Variants in FBXL2 observed in about 807,000 individuals in gnomAD.
FBXL2 encodes F-box and leucine rich repeat protein 2, also known as F-box/LRR-repeat protein 2.
FBXL2 carries 38 observed loss-of-function variants against 69.2 expected under a neutral mutation model. The observed-to-expected ratio is 0.55, with a 90% CI of 0.42 to 0.72. The LOEUF (loss-of-function observed/expected upper bound fraction) is 0.72. Among genes scored for constraint, FBXL2 ranks in the 30% least tolerant of loss-of-function variants. The pLI is 0.00. For missense variants in FBXL2, 354 were observed against 520.3 expected (o/e 0.68, Z 3.11); for synonymous variants, 192 against 201.3 (o/e 0.95, Z 0.39).
At chr3:33,328,971 A>G (rs749742105) in intron 2 of FBXL2, among the ~76,000 whole-genome samples, 2 of 152,182 alleles carry the variant, frequency 1.3e-5, no homozygotes, top group Non-Finnish European at 2.9e-5. Context: ...AATGTTTGCA[A>G]ACTATCCATC....
At chr3:33,399,521 C>A (rs1346898415) in intron 12 of FBXL2, among the ~76,000 whole-genome samples, 1 of 152,102 alleles carries the variant, frequency 6.6e-6, no homozygotes, top group Non-Finnish European at 1.5e-5. Context: ...ACTTAGGTGG[C>A]CGTTATGCTA....
At chr3:33,377,694 C>T (rs928787810) in intron 11 of FBXL2, among the ~76,000 whole-genome samples, 17 of 152,180 alleles carry the variant, frequency 1.1e-4, no homozygotes, top group African/African-American at 3.9e-4. Flanking sequence ...TCTGGACCTG[C>T]TGCCAGGAAC....
intron 1 of FBXL2, among the ~76,000 whole-genome samples, chr3:33,286,503 G>T (rs1277708093): frequency 6.6e-6 from 1 of 152,220 alleles, no homozygotes; most frequent in Non-Finnish European, 1.5e-5. Flanking sequence ...ACTTGAGGAG[G>T]CAGTCTGTCT....
chr3:33,393,129 C>T, intron 12 of FBXL2: 1 of 657,502 alleles, frequency 1.5e-6, no homozygotes, highest in South Asian at 2.9e-5. Context: ...GCTTGTATTC[C>T]ATATTATCAC....
chr3:33,364,127 A>C (rs2041806674), intron 4 of FBXL2, among the ~76,000 whole-genome samples: 1 of 152,226 alleles, frequency 6.6e-6, no homozygotes, highest in South Asian at 2.1e-4. Flanking sequence ...AAATGTGTTT[A>C]AGCAGAGGAC....
the FBXL2 span, among the ~76,000 whole-genome samples, chr3:33,417,566 A>G: frequency 7.2e-5 from 11 of 152,284 alleles, no homozygotes; most frequent in Admixed American, 6.5e-4. Flanking sequence ...CAGCTGATGG[A>G]TATTTGGGTT....
rs139585546 is a variant in FBXL2, at chr3:33,297,545, A to G, written c.4-119A>G. 1.5e-4 allele frequency: 93 copies of G among 622,478 alleles called. No individual in the cohort carries two copies. In the African/African-American group the frequency reaches 1.6e-3, roughly 11 times the overall value. The allele number at this position is 622,478 out of a possible 1,614,324, so 38.6% of individuals were successfully genotyped here. On this transcript the variant is annotated intron_variant, in intron 1 of 14. Coordinates refer to ENST00000484457, the MANE Select transcript of FBXL2 (RefSeq NM_012157.5). Reference sequence around the variant, plus strand: ...ATATGGTGGCTGCATGAAATTAGTCACACCCTATTTGTAGGACAATAATTG... The same window carrying G: ...ATATGGTGGCTGCATGAAATTAGTCGCACCCTATTTGTAGGACAATAATTG...
intron 2 of FBXL2, among the ~76,000 whole-genome samples, chr3:33,349,057 C>CG (rs2040647713): frequency 1.3e-5 from 2 of 152,142 alleles, no homozygotes; most frequent in Admixed American, 1.3e-4. Flanking sequence ...ATATCATCAT[C>CG]AAACAAGGAT....
chr3:33,418,447 CAG>C, the FBXL2 span, among the ~76,000 whole-genome samples: 1 of 151,974 alleles, frequency 6.6e-6, no homozygotes, highest in South Asian at 2.1e-4. Flanking sequence ...TTAGTAGAGA[CAG>C]GGTTTCGCCA....
intron 2 of FBXL2, among the ~76,000 whole-genome samples, chr3:33,299,027 T>TTTTTTTTATTTATTTA (rs139891956): frequency 2.1e-5 from 3 of 146,144 alleles, no homozygotes; most frequent in Middle Eastern, 3.5e-3. Flanking sequence ...ATTTTTTTAA[T>TTTTTTTTATTTATTTA]TTTATTTATT....
chr3:33,381,565 G>A (rs980552158), intron 13 of FBXL2, among the ~76,000 whole-genome samples: 7 of 151,618 alleles, frequency 4.6e-5, no homozygotes, highest in South Asian at 4.2e-4. Context: ...TGGAGGTTGC[G>A]TTGAGCCGAG....
chr3:33,412,623 C>CT, the FBXL2 span: 1 of 709,272 alleles, frequency 1.4e-6, no homozygotes. Context: ...AACACCAAAA[C>CT]TTTCCCCACA....
intron 1 of FBXL2, among the ~76,000 whole-genome samples, chr3:33,284,109 T>C (rs1019576310): frequency 6.6e-6 from 1 of 152,230 alleles, no homozygotes; most frequent in Admixed American, 6.5e-5. Flanking sequence ...ATGTGTTTGC[T>C]CTTTCTTCTC....
At chr3:33,409,349 T>TAAAAACAAAGTATACTATTTC in the FBXL2 span, 1 of 1,613,984 alleles carries the variant, frequency 6.2e-7, no homozygotes, top group African/African-American at 1.3e-5. Flanking sequence ...CCTTTAGGCT[T>TAAAAACAAAGTATACTATTTC]AAAAACAAAG....
intron 12 of FBXL2, chr3:33,396,215 C>G (rs1559667623): frequency 1.3e-6 from 2 of 1,594,970 alleles, no homozygotes; most frequent in Non-Finnish European, 1.7e-6. Flanking sequence ...TTGCTGCTGC[C>G]CTTGCAGCAC....
intron 13 of FBXL2, among the ~76,000 whole-genome samples, chr3:33,379,622 C>CT (rs934164341): frequency 1.1e-3 from 163 of 142,894 alleles, no homozygotes; most frequent in East Asian, 2.0e-3. Context: ...CCCAAAACAA[C>CT]TTTTTTTTTT....
At chr3:33,416,731 T>C in the FBXL2 span, 5 of 1,538,180 alleles carry the variant, frequency 3.3e-6, no homozygotes, top group East Asian at 2.3e-5. Context: ...GCAATATCCA[T>C]TGGGAATTAA....
At chr3:33,307,634 AG>A (rs1168871442) in intron 2 of FBXL2, among the ~76,000 whole-genome samples, 1 of 152,078 alleles carries the variant, frequency 6.6e-6, no homozygotes, top group Non-Finnish European at 1.5e-5. Flanking sequence ...TGAGAATTTA[AG>A]GGTAAACGGG....
the FBXL2 span, chr3:33,408,787 T>TCAAG: frequency 6.2e-7 from 1 of 1,613,512 alleles, no homozygotes; most frequent in African/African-American, 1.3e-5. Context: ...AATTATAGGC[T>TCAAG]CAAGCCTCAT....
Sources: allele counts gnomAD v4.1 joint callset (sites outside exome capture counted in the v4.1 genomes callset), GRCh38; gene constraint gnomAD v4.1.1; transcripts MANE v1.5; gene names NCBI Gene and HGNC (gene_info 2026-07-23, HGNC 2026-07-21).